The following ATN1 variants were observed in gnomAD, a reference collection of about 807,000 sequenced individuals.
ATN1 encodes atrophin 1, also known as atrophin-1.
Under a neutral mutation model 85.8 loss-of-function variants are expected in ATN1, and 19 were observed. That is an observed-to-expected ratio of 0.22 (90% CI 0.15 to 0.32). ATN1 has a LOEUF of 0.32. ATN1 is among the 10% of genes least tolerant of loss of function. The probability of loss-of-function intolerance (pLI) is 1.00; values close to 1 mark genes in which losing one functional copy is unlikely to be tolerated. For missense variants in ATN1, 1,453 were observed against 1,564.5 expected (o/e 0.93, Z 1.20); for synonymous variants, 674 against 657.0 (o/e 1.03, Z -0.39).
intron 1 of ATN1, among the ~76,000 whole-genome samples, chr12:6,929,504 C>A (rs1555142888): frequency 6.6e-6 from 1 of 152,116 alleles, no homozygotes; most frequent in Non-Finnish European, 1.5e-5. Flanking sequence ...GCACCTTTTG[C>A]CACTGTGTTG....
Position 6,934,125 on chromosome 12 carries a change from T to C in ATN1, c.28-51T>C. On this transcript the variant is annotated intron_variant, in intron 2 of 9. Transcript: ENST00000396684. The surrounding 1 kb of genome is among the most constrained non-coding windows in gnomAD (Gnocchi z 4.5). ...AGAACAAATAATGTGCACCATAAAGTTAGGTGCAATGTAAAGAACAGTGTT... is the reference window on the plus strand; with the variant it reads ...AGAACAAATAATGTGCACCATAAAGCTAGGTGCAATGTAAAGAACAGTGTT... 6.2e-7 allele frequency: 1 copy of C among 1,613,876 alleles called. No homozygotes were observed. The highest frequency in any genetic ancestry group is 8.5e-7 in the Non-Finnish European group (1 of 1,179,858).
chr12:6,934,135 T>C lies in ATN1; in HGVS notation c.28-41T>C, dbSNP rs112700441. The C allele has an allele frequency of 2.6e-5, 42 of 1,613,872 alleles. No individual in the cohort carries two copies. The highest frequency in any genetic ancestry group is 3.3e-4 in the Middle Eastern group (2 of 6,048). On this transcript the variant is annotated intron_variant, in intron 2 of 9. Coordinates refer to ENST00000396684, the MANE Select transcript of ATN1 (RefSeq NM_001940.4). This position sits in a 1 kb window ranked among gnomAD's most constrained non-coding sequence, Gnocchi z 4.5. ...ATGTGCACCATAAAGTTAGGTGCAA[T>C]GTAAAGAACAGTGTTACCTACCTCC...
chr12:6,932,034 C>CAAA (rs34374667), intron 1 of ATN1, among the ~76,000 whole-genome samples: 14 of 50,670 alleles, frequency 2.8e-4, no homozygotes, highest in Non-Finnish European at 3.8e-4. Context: ...AACTCTGTCT[C>CAAA]AAAAAAAAAA....
rs782132439 is a variant in ATN1 at position 6,934,365 on chromosome 12, GGT to G, written c.165+63_165+64del. 6.9e-5 allele frequency: 109 copies of G among 1,589,980 alleles called. No individual in the cohort carries two copies. The highest frequency in any genetic ancestry group is 4.0e-4 in the Middle Eastern group (2 of 5,016). On this transcript the variant is annotated intron_variant, in intron 3 of 9. Transcript: ENST00000396684. This position sits in a 1 kb window ranked among gnomAD's most constrained non-coding sequence, Gnocchi z 4.5. ...GGATGCCCAAGGCACTGGGGCTGAG[GGT>G]GTGTGTGTGTTGTGGGGGAACTTCC...
At position 6,935,664 on chromosome 12, in the gene ATN1, C is replaced by CCCAG. The variant is rs782034499; in HGVS notation, c.398_401dup (p.Ile135GlnfsTer11). ...CGACCAGGACAACCGAAGCACGTCC[C>CCCAG]CCAGTATCTACAGCCCTGGAAGTGT... On this transcript the variant is annotated frameshift_variant, in exon 5 of 10. Coordinates refer to ENST00000396684, the MANE Select transcript of ATN1 (RefSeq NM_001940.4). LOFTEE classifies it high-confidence loss of function. The surrounding 1 kb of genome is among the most constrained non-coding windows in gnomAD (Gnocchi z 5.3). The CCCAG allele has an allele frequency of 6.2e-7, 1 of 1,613,974 alleles. No individual in the cohort carries two copies. Among genetic ancestry groups the CCCAG allele is most frequent in the Non-Finnish European group, 8.5e-7 (1 of 1,179,920 alleles).
rs782038193 is a variant in ATN1, at chr12:6,934,887, G to T, written c.279+309G>T. ...GCAGAAGTGGTCTTTCTTTTTTATT[G>T]TTTTTTTTTGTTTGTTTGTTTTTGA... On this transcript the variant is annotated intron_variant, in intron 4 of 9. Transcript: ENST00000396684. This position sits in a 1 kb window ranked among gnomAD's most constrained non-coding sequence, Gnocchi z 4.5. 3.3e-5 allele frequency among the ~76,000 whole-genome samples: 5 copies of T among 151,570 alleles called. No individual in the cohort carries two copies. The East Asian group carries it at 9.7e-4, about 29-fold the overall frequency.
Position 6,937,977 on chromosome 12 carries a change from G to T in ATN1, c.2427G>T (p.Gln809His). The T allele has an allele frequency of 6.4e-7, 1 of 1,552,172 alleles. No individual in the cohort carries two copies. Among genetic ancestry groups the T allele is most frequent in the Non-Finnish European group, 8.7e-7 (1 of 1,148,008 alleles). Residue 809 changes from glutamine to histidine, a missense_variant, in exon 6 of 10, where the codon CAG becomes CAT. By Grantham distance (24) the Gln-to-His change is conservative. This residue lies in a region of ATN1 where 990 missense variants were observed against 914.8 expected (regional missense o/e 1.08). Transcript: ENST00000396684. This position sits in a 1 kb window ranked among gnomAD's most constrained non-coding sequence, Gnocchi z 6.0. ...LVEKVRREAE[Q>H]RAREEKERER... ...AGAAGGTGCGGCGCGAGGCCGAGCAGCGCGCGCGCGAAGAAAAGGAGCGCG... is the reference window on the plus strand; with the variant it reads ...AGAAGGTGCGGCGCGAGGCCGAGCATCGCGCGCGCGAAGAAAAGGAGCGCG...
At position 6,937,511 on chromosome 12, in the gene ATN1, GC is replaced by G; in HGVS notation, c.2249del (p.Pro750LeufsTer5). 1 of 1,542,204 alleles carries G rather than the reference GC, an allele frequency of 6.5e-7. No individual in the cohort carries two copies. The highest frequency in any genetic ancestry group is 8.7e-7 in the Non-Finnish European group (1 of 1,145,864). ...SPVPPARSPS[P>X]PPKVVDVPSH... is the part of the protein sequence containing the mutation. ...CGGTGCCCCCAGCCCGCAGCCCCTC[GC>G]CCCCTCCCAAGGTGGTAGATGTACC... On this transcript the variant is annotated frameshift_variant, in exon 5 of 10. Transcript: ENST00000396684. LOFTEE classifies it high-confidence loss of function. The surrounding 1 kb of genome is among the most constrained non-coding windows in gnomAD (Gnocchi z 6.0).
At position 6,936,400 on chromosome 12, in the gene ATN1, CTAG is replaced by C. The variant is rs782495752; in HGVS notation, c.1140_1142del (p.Ser382del). 1 of 1,613,686 alleles carries C rather than the reference CTAG, an allele frequency of 6.2e-7. No individual in the cohort carries two copies. Among genetic ancestry groups the C allele is most frequent in the Non-Finnish European group, 8.5e-7 (1 of 1,179,924 alleles). On this transcript the variant is annotated inframe_deletion, in exon 5 of 10. Coordinates refer to ENST00000396684, the MANE Select transcript of ATN1 (RefSeq NM_001940.4). Reference sequence around the variant, plus strand: ...CCCATGAGGTTTCCTTATTCATCCTCTAGTAGTAGCTCTGCAGCAGCCTCCTCT... The same window carrying C: ...CCCATGAGGTTTCCTTATTCATCCTCTAGTAGCTCTGCAGCAGCCTCCTCT...
In ATN1 at chr12:6,936,591, C is replaced by T. The variant is rs1555143705; in HGVS notation, c.1324C>T (p.Pro442Ser). The change falls in exon 5 of 10, where the codon CCC becomes TCC. Residue 442 changes from proline to serine, a missense_variant. This residue lies in a region of ATN1 where 990 missense variants were observed against 914.8 expected (regional missense o/e 1.08). Coordinates refer to ENST00000396684, the MANE Select transcript of ATN1 (RefSeq NM_001940.4). ...LPSQAVWSQG[P>S]PPPPPYGRLL... ...ATCCCAGGCTGTGTGGAGCCAGGGT[C>T]CCCCACCACCTCCTCCCTATGGCCG... 3 of 1,610,710 alleles carry T rather than the reference C, an allele frequency of 1.9e-6. No individual in the cohort carries two copies. The highest frequency in any genetic ancestry group is 2.5e-6 in the Non-Finnish European group (3 of 1,178,482).
intron 1 of ATN1, among the ~76,000 whole-genome samples, chr12:6,932,504 A>G (rs1945478493): frequency 6.6e-6 from 1 of 152,222 alleles, no homozygotes; most frequent in South Asian, 2.1e-4. Context: ...CTTAGCAAGA[A>G]ATACAAACAA....
Position 6,934,400 on chromosome 12 carries a change from C to T in ATN1, c.166-65C>T. The T allele has an allele frequency of 1.2e-6, 2 of 1,604,152 alleles. No homozygotes were observed. The highest frequency in any genetic ancestry group is 1.8e-4 in the Middle Eastern group (1 of 5,604). On this transcript the variant is annotated intron_variant, in intron 3 of 9. Coordinates refer to ENST00000396684, the MANE Select transcript of ATN1 (RefSeq NM_001940.4). The surrounding 1 kb of genome is among the most constrained non-coding windows in gnomAD (Gnocchi z 4.5). The stretch of plus-strand genomic sequence containing the variant: ...TGTTGTGGGGGAACTTCCTGTTTGG[C>T]AGAGGGTAACGGTGGAGCTCGGGAG...
chr12:6,940,368 C>T (rs1451940646), intron 7 of ATN1, among the ~76,000 whole-genome samples: 5 of 151,914 alleles, frequency 3.3e-5, no homozygotes, highest in African/African-American at 1.2e-4. Context: ...CAGGTTCAAG[C>T]GATTCTCCTG....
chr12:6,938,533 T>G lies in ATN1; in HGVS notation c.2570T>G (p.Val857Gly), dbSNP rs1555144221. 6.2e-7 allele frequency: 1 copy of G among 1,614,016 alleles called. No individual in the cohort carries two copies. The highest frequency in any genetic ancestry group is 1.1e-5 in the South Asian group (1 of 91,084). Residue 857 changes from valine to glycine, a missense_variant, in exon 7 of 10, where the codon GTG becomes GGG. By Grantham distance (109) the Val-to-Gly change is moderately radical (BLOSUM62 -3). Coordinates refer to ENST00000396684, the MANE Select transcript of ATN1 (RefSeq NM_001940.4). ...GTGGAATGCCCATCTCTGGGCCCAG[T>G]GCCCCATCGCCCTCCATTTGAACCG... The part of the protein sequence containing the change: ...APVECPSLGP[V>G]PHRPPFEPGS...
chr12:6,932,716 T>A (rs1945481024), intron 1 of ATN1, among the ~76,000 whole-genome samples: 1 of 152,214 alleles, frequency 6.6e-6, no homozygotes, highest in Non-Finnish European at 1.5e-5. Flanking sequence ...CCCTGACTTT[T>A]CCTCTAGCCT....
rs1945515912 is a variant in ATN1, at chr12:6,935,166, G to A, written c.280-381G>A. On this transcript the variant is annotated intron_variant, in intron 4 of 9. Transcript: ENST00000396684. This position sits in a 1 kb window ranked among gnomAD's most constrained non-coding sequence, Gnocchi z 5.3. ...GCTTCCCAAAGTGCTGGGATTACAGGTGTAAGCCTCTGTGCCCGGCCAGAA... is the reference window on the plus strand; with the variant it reads ...GCTTCCCAAAGTGCTGGGATTACAGATGTAAGCCTCTGTGCCCGGCCAGAA... Among the ~76,000 whole-genome samples the A allele has an allele frequency of 6.6e-6, 1 of 152,178 alleles. No individual in the cohort carries two copies. The highest frequency in any genetic ancestry group is 2.1e-4 in the South Asian group (1 of 4,834).
upstream of ATN1, among the ~76,000 whole-genome samples, chr12:6,925,046 A>G (rs1472417292): frequency 4.0e-5 from 6 of 151,180 alleles, no homozygotes; most frequent in East Asian, 1.9e-4. Context: ...CTGGAGACCA[A>G]TGGGTTGTGG....
At chr12:6,925,141 T>TGTGTGTGTGTGAGA (rs1445451270), upstream of ATN1, among the ~76,000 whole-genome samples, 1 of 147,556 alleles carries the variant, frequency 6.8e-6, no homozygotes, top group African/African-American at 2.5e-5. Context: ...TGTGTGTGTG[T>TGTGTGTGTGTGAGA]GAGAGAGAGA....
intron 1 of ATN1, among the ~76,000 whole-genome samples, chr12:6,931,731 GA>G (rs371352720): frequency 4.2e-5 from 5 of 117,912 alleles, no homozygotes; most frequent in South Asian, 2.7e-4. Context: ...AAAAAAAAAG[GA>G]AAAAAAAAGA....
Sources: gnomAD v4.1 joint callset for allele counts (sites outside exome capture counted in the v4.1 genomes callset) on GRCh38, gnomAD v4.1.1 for gene constraint, gnomAD v4.1.1 regional missense constraint, Gnocchi (gnomAD v3.1) non-coding constraint, MANE v1.5 for transcripts, NCBI Gene and HGNC (gene_info 2026-07-23, HGNC 2026-07-21) for gene names.